Variants in LDLRAD3 observed in about 807,000 individuals in gnomAD.
The protein encoded by LDLRAD3 is low density lipoprotein receptor class A domain containing 3.
LDLRAD3 carries 20 observed loss-of-function variants against 29.4 expected under a neutral mutation model. The observed-to-expected ratio is 0.68, with a 90% confidence interval of 0.48 to 0.99. The LOEUF is 0.99. Ranked by LOEUF, LDLRAD3 falls within the 50% of genes least tolerant of loss-of-function variation. The pLI, the probability that LDLRAD3 is intolerant of heterozygous loss-of-function variation, is 0.00. For synonymous variants in LDLRAD3, 157 were observed against 192.7 expected (o/e 0.81, Z 1.53); for missense variants, 420 against 454.3 (o/e 0.92, Z 0.69).
At chr11:35,968,422 T>A in intron 1 of LDLRAD3, 1 of 372,128 alleles carries the variant, frequency 2.7e-6, no homozygotes, top group Non-Finnish European at 5.4e-6. Flanking sequence ...CTGGTTGGCC[T>A]GGTGTCTCAG....
chr11:36,085,348 G>GC (rs1853179086), intron 3 of LDLRAD3, among the ~76,000 whole-genome samples: 15 of 140,978 alleles, frequency 1.1e-4, no homozygotes. Flanking sequence ...GCTTTGAACT[G>GC]TTTTTTTTTT....
rs375489537 is a variant in LDLRAD3 at position 36,172,411 on chromosome 11, G to C, written c.455-54674G>C. ...CATCCTTGTCTTGTTCCAGTTCTCG[G>C]GGGGACTGCTTTCAACTATTCCCCA... is the stretch of plus-strand genomic sequence containing the variant. On this transcript the variant is annotated intron_variant, in intron 4 of 5. Coordinates refer to ENST00000315571, the MANE Select transcript of LDLRAD3 (RefSeq NM_174902.4). 1.1e-4 allele frequency among the ~76,000 whole-genome samples: 16 copies of C among 151,938 alleles called. No homozygotes were observed. In the East Asian group the frequency reaches 2.9e-3, roughly 28 times the overall value.
intron 1 of LDLRAD3, among the ~76,000 whole-genome samples, chr11:36,000,896 T>A (rs1349924958): frequency 1.3e-5 from 2 of 152,030 alleles, no homozygotes. Context: ...GGGTAGGGGA[T>A]GCTTCAGAGG....
intron 1 of LDLRAD3, chr11:35,968,284 G>T: frequency 2.6e-6 from 1 of 383,156 alleles, no homozygotes; most frequent in East Asian, 6.8e-5. Context: ...TCCTTGGGAG[G>T]AGTGGATGTG....
intron 1 of LDLRAD3, among the ~76,000 whole-genome samples, chr11:35,998,848 A>G (rs192766928): frequency 6.6e-6 from 1 of 152,212 alleles, no homozygotes; most frequent in South Asian, 2.1e-4. Context: ...TAGCGTCTTT[A>G]GGGAGATAAA....
chr11:36,182,154 G>A (rs11826136), intron 4 of LDLRAD3, among the ~76,000 whole-genome samples: 1,932 of 152,286 alleles, frequency 0.013, 47 homozygotes, highest in African/African-American at 0.044. Flanking sequence ...TCATTGAAGT[G>A]AGGAGAATGA....
chr11:36,177,166 A>G (rs1854691444), intron 4 of LDLRAD3, among the ~76,000 whole-genome samples: 3 of 152,056 alleles, frequency 2.0e-5, no homozygotes, highest in Admixed American at 2.0e-4. Flanking sequence ...CAGAAGTTGT[A>G]ATTGTTTTTC....
At chr11:35,969,969 T>C (rs1382181179) in intron 1 of LDLRAD3, among the ~76,000 whole-genome samples, 1 of 152,174 alleles carries the variant, frequency 6.6e-6, no homozygotes, top group African/African-American at 2.4e-5. Flanking sequence ...TTCTTGCTTG[T>C]GGTTTTTGTT....
At chr11:36,149,521 C>T (rs1272504548) in intron 4 of LDLRAD3, among the ~76,000 whole-genome samples, 2 of 152,196 alleles carry the variant, frequency 1.3e-5, no homozygotes, top group African/African-American at 4.8e-5. Context: ...GACGCTGTCC[C>T]TGCACAGCAG....
intron 4 of LDLRAD3, among the ~76,000 whole-genome samples, chr11:36,109,455 C>T (rs1463689463): frequency 6.6e-6 from 1 of 152,114 alleles, no homozygotes. Context: ...ATGAGAGTAG[C>T]AAGCTGCGTT....
intron 2 of LDLRAD3, among the ~76,000 whole-genome samples, chr11:36,056,708 C>T (rs1009975146): frequency 5.3e-5 from 8 of 152,200 alleles, no homozygotes; most frequent in Non-Finnish European, 1.0e-4. Flanking sequence ...AAGGGTGCAG[C>T]AGTGGCTTGA....
chr11:36,067,944 C>G (rs1322938245), intron 2 of LDLRAD3, among the ~76,000 whole-genome samples: 1 of 152,200 alleles, frequency 6.6e-6, no homozygotes, highest in Non-Finnish European at 1.5e-5. Flanking sequence ...GCTGAGATTA[C>G]ATGTGAGAGC....
chr11:36,194,084 C>T (rs913875861), intron 4 of LDLRAD3, among the ~76,000 whole-genome samples: 2 of 152,126 alleles, frequency 1.3e-5, no homozygotes, highest in Admixed American at 6.5e-5. Context: ...CAGTTCCCTT[C>T]CCCTTGTTGT....
chr11:36,125,265 G>A (rs77813061), intron 4 of LDLRAD3, among the ~76,000 whole-genome samples: 1 of 152,252 alleles, frequency 6.6e-6, no homozygotes, highest in East Asian at 1.9e-4. Flanking sequence ...GTGCATTAGA[G>A]CATGGTCTCT....
intron 3 of LDLRAD3, among the ~76,000 whole-genome samples, chr11:36,086,878 G>A (rs1301593444): frequency 1.3e-5 from 2 of 152,178 alleles, no homozygotes; most frequent in South Asian, 2.1e-4. Flanking sequence ...CTGACCTGGA[G>A]CAGGAACTTC....
chr11:36,123,944 C>A (rs1440456613), intron 4 of LDLRAD3, among the ~76,000 whole-genome samples: 1 of 152,180 alleles, frequency 6.6e-6, no homozygotes, highest in South Asian at 2.1e-4. Flanking sequence ...CGTAAGTCAG[C>A]GCATCCGAGT....
intron 4 of LDLRAD3, among the ~76,000 whole-genome samples, chr11:36,160,674 A>G (rs1854425879): frequency 6.6e-6 from 1 of 151,816 alleles, no homozygotes; most frequent in African/African-American, 2.4e-5. Flanking sequence ...TTACCCTTTC[A>G]TATTGGTTTT....
At chr11:36,206,053 C>G (rs1434227316) in intron 4 of LDLRAD3, among the ~76,000 whole-genome samples, 1 of 152,174 alleles carries the variant, frequency 6.6e-6, no homozygotes, top group Non-Finnish European at 1.5e-5. Context: ...AACTTTTGGT[C>G]TGGAGTTATT....
At chr11:36,083,793 C>G (rs899045485) in intron 3 of LDLRAD3, among the ~76,000 whole-genome samples, 1 of 149,940 alleles carries the variant, frequency 6.7e-6, no homozygotes, top group African/African-American at 2.5e-5. Context: ...CCAGAATAAT[C>G]CAATGGCAAT....
Sources: allele counts gnomAD v4.1 joint callset (sites outside exome capture counted in the v4.1 genomes callset), GRCh38; gene constraint gnomAD v4.1.1; transcripts MANE v1.5; gene names NCBI Gene and HGNC (gene_info 2026-07-23, HGNC 2026-07-21).